The following HCN1 variants were observed in gnomAD, a reference collection of about 807,000 sequenced individuals.
HCN1 encodes the protein hyperpolarization activated cyclic nucleotide gated potassium channel 1, also known as potassium/sodium hyperpolarization-activated cyclic nucleotide-gated channel 1.
HCN1 carries 13 observed loss-of-function variants against 78.9 expected under a neutral mutation model. The observed-to-expected ratio is 0.16, with a 90% confidence interval of 0.11 to 0.26. The LOEUF (loss-of-function observed/expected upper bound fraction) is 0.26, where lower values mean the gene tolerates loss of function less well. HCN1 is among the 10% of genes least tolerant of loss of function. HCN1 has a pLI of 1.00. For missense variants in HCN1, 810 were observed against 1,154.3 expected, an observed-to-expected ratio of 0.70 and a Z score of 4.32; for synonymous variants, 552 against 455.5, an observed-to-expected ratio of 1.21 and a Z score of -2.70.
chr5:45,363,861 A>C (rs1436246257), intron 4 of HCN1, among the ~76,000 whole-genome samples: 1 of 151,886 alleles, frequency 6.6e-6, no homozygotes, highest in Admixed American at 6.6e-5. Context: ...TGGAACTGTA[A>C]GTCCAATTAA....
chr5:45,634,636 T>C (rs1745327409), intron 2 of HCN1, among the ~76,000 whole-genome samples: 2 of 152,032 alleles, frequency 1.3e-5, no homozygotes, highest in Admixed American at 6.6e-5. Context: ...TGGCACTCCT[T>C]GGTAATCACT....
At chr5:45,571,508 G>T (rs1302251369) in intron 2 of HCN1, among the ~76,000 whole-genome samples, 2 of 152,168 alleles carry the variant, frequency 1.3e-5, no homozygotes, top group Non-Finnish European at 2.9e-5. Flanking sequence ...GATGAAAGAT[G>T]TCATCAAAGA....
intron 1 of HCN1, chr5:45,695,224 T>C: frequency 5.4e-6 from 1 of 185,098 alleles, no homozygotes; most frequent in Non-Finnish European, 1.1e-5. Flanking sequence ...CTGTCTCCGG[T>C]TACCCAGTCT....
chr5:45,397,117 A>G (rs1444023626), intron 3 of HCN1, among the ~76,000 whole-genome samples: 1 of 152,188 alleles, frequency 6.6e-6, no homozygotes, highest in Non-Finnish European at 1.5e-5. Flanking sequence ...CCAAAGTATA[A>G]ACATTTTTAT....
chr5:45,369,785 T>C (rs539452326), intron 4 of HCN1, among the ~76,000 whole-genome samples: 1 of 152,226 alleles, frequency 6.6e-6, no homozygotes, highest in Admixed American at 6.6e-5. Flanking sequence ...AGTGTGAACA[T>C]TATTGACTTA....
intron 2 of HCN1, among the ~76,000 whole-genome samples, chr5:45,508,512 T>G (rs1212348780): frequency 6.6e-6 from 1 of 152,128 alleles, no homozygotes; most frequent in Admixed American, 6.6e-5. Context: ...TCTCTGCTTC[T>G]ATACTCAAAC....
intron 6 of HCN1, among the ~76,000 whole-genome samples, chr5:45,299,645 A>G (rs2111898406): frequency 6.6e-6 from 1 of 152,128 alleles, no homozygotes; most frequent in South Asian, 2.1e-4. Flanking sequence ...CTCCTAAAGA[A>G]ATAGAAAACC....
intron 3 of HCN1, among the ~76,000 whole-genome samples, chr5:45,452,569 T>A (rs1182026424): frequency 2.0e-5 from 3 of 151,852 alleles, no homozygotes; most frequent in Admixed American, 1.3e-4. Flanking sequence ...CCCTCCACCC[T>A]CAAGTAGGCC....
chr5:45,310,653 T>C (rs1561099414), intron 5 of HCN1, among the ~76,000 whole-genome samples: 1 of 151,998 alleles, frequency 6.6e-6, no homozygotes, highest in Non-Finnish European at 1.5e-5. Context: ...AACCCAGCAA[T>C]CCCATTACCA....
intron 3 of HCN1, among the ~76,000 whole-genome samples, chr5:45,447,462 C>CA (rs1174464300): frequency 1.3e-5 from 2 of 152,172 alleles, no homozygotes; most frequent in Non-Finnish European, 2.9e-5. Context: ...AGCCTGGTCT[C>CA]AAACTCCTGA....
chr5:45,417,918 G>T (rs577537424), intron 3 of HCN1, among the ~76,000 whole-genome samples: 1 of 151,866 alleles, frequency 6.6e-6, no homozygotes, highest in African/African-American at 2.4e-5. Flanking sequence ...CAAATAAAAA[G>T]ATAGAAAAAC....
chr5:45,290,575 A>G (rs1054248387), intron 6 of HCN1, among the ~76,000 whole-genome samples: 4 of 152,102 alleles, frequency 2.6e-5, no homozygotes, highest in Non-Finnish European at 5.9e-5. Context: ...TTGTAAAAAA[A>G]AGACACCATT....
At chr5:45,427,370 C>G (rs929364218) in intron 3 of HCN1, among the ~76,000 whole-genome samples, 2 of 151,774 alleles carry the variant, frequency 1.3e-5, no homozygotes, top group Admixed American at 6.6e-5. Flanking sequence ...ACAAGTGGTA[C>G]CAAATCCAGG....
chr5:45,596,671 C>T (rs1051831987), intron 2 of HCN1, among the ~76,000 whole-genome samples: 4 of 152,138 alleles, frequency 2.6e-5, no homozygotes, highest in Non-Finnish European at 5.9e-5. Flanking sequence ...AAACTAGGAT[C>T]CCTAGGTGAG....
chr5:45,359,944 T>C (rs1047041114), intron 4 of HCN1, among the ~76,000 whole-genome samples: 2 of 148,942 alleles, frequency 1.3e-5, no homozygotes, highest in African/African-American at 2.4e-5. Flanking sequence ...ACTTTGAGTA[T>C]ATATATATAT....
At chr5:45,346,544 G>C (rs1297532697) in intron 5 of HCN1, among the ~76,000 whole-genome samples, 2 of 152,156 alleles carry the variant, frequency 1.3e-5, no homozygotes, top group African/African-American at 2.4e-5. Context: ...CCATGAGCGA[G>C]CTGAAGCAGG....
At chr5:45,472,528 GAGGA>G (rs1298913342) in intron 2 of HCN1, among the ~76,000 whole-genome samples, 2 of 140,084 alleles carry the variant, frequency 1.4e-5, no homozygotes, top group East Asian at 2.5e-4. Context: ...GGAAGGGAAG[GAGGA>G]AGGGAGGGAG....
chr5:45,686,039 A>G (rs985043887), intron 1 of HCN1, among the ~76,000 whole-genome samples: 1 of 152,074 alleles, frequency 6.6e-6, no homozygotes, highest in Non-Finnish European at 1.5e-5. Flanking sequence ...TAAGCACTAC[A>G]TATATAGAAA....
intron 3 of HCN1, among the ~76,000 whole-genome samples, chr5:45,412,011 C>T (rs1022107386): frequency 6.6e-6 from 1 of 152,106 alleles, no homozygotes; most frequent in Non-Finnish European, 1.5e-5. Context: ...ATAAAGGTGT[C>T]TTGCCTTAAC....
Sources: allele counts gnomAD v4.1 joint callset (sites outside exome capture counted in the v4.1 genomes callset), GRCh38; gene constraint gnomAD v4.1.1; transcripts MANE v1.5; gene names NCBI Gene and HGNC (gene_info 2026-07-23, HGNC 2026-07-21).